MOB3A: variants seen among roughly 807,000 people sequenced by gnomAD.
The protein encoded by MOB3A is MOB kinase activator 3A.
In MOB3A, 17 loss-of-function variants were observed where a neutral mutation model predicts 17.8. That is an observed-to-expected ratio of 0.95 (90% confidence interval 0.65 to 1.43). The LOEUF (loss-of-function observed/expected upper bound fraction) is 1.43, where lower values mean the gene tolerates loss of function less well. Among genes scored for constraint, MOB3A ranks in the 40% most tolerant of loss-of-function variants. MOB3A has a pLI of 0.00. For synonymous variants in MOB3A, 124 were observed against 133.2 expected, an observed-to-expected ratio of 0.93 and a Z score of 0.48; for missense variants, 333 against 310.8, an observed-to-expected ratio of 1.07 and a Z score of -0.54.
intron 4 of MOB3A, among the ~76,000 whole-genome samples, chr19:2,076,556 G>C (rs546584581): frequency 6.6e-6 from 1 of 152,344 alleles, no homozygotes; most frequent in East Asian, 1.9e-4. Context: ...GGTGAAGGCG[G>C]AGTGAGCTGG....
intron 4 of MOB3A, 59 bp downstream of exon 4, chr19:2,076,752 T>G (rs1433651562): frequency 6.4e-7 from 1 of 1,567,744 alleles, no homozygotes; most frequent in African/African-American, 1.4e-5. Context: ...GAAGGGTTCC[T>G]CTGCCACGGG....
chr19:2,077,258 C>T lies in MOB3A; in HGVS notation c.422-245G>A, dbSNP rs139927059. On this transcript the variant is annotated intron_variant, in intron 3 of 4. Transcript: ENST00000357066. Reference sequence around the variant, plus strand: ...TTTACTAAAAAATACAAATATTAGCCGGGTGTGGTGGCTCATGCCTGTAAT... The same window carrying T: ...TTTACTAAAAAATACAAATATTAGCTGGGTGTGGTGGCTCATGCCTGTAAT... Among the ~76,000 whole-genome samples, 728 of 152,026 alleles carry T rather than the reference C, an allele frequency of 4.8e-3. 6 individuals are homozygous for T. The highest frequency in any genetic ancestry group is 7.9e-3 in the Admixed American group (121 of 15,268).
chr19:2,096,032 C>A (rs1261920480), intron 1 of MOB3A, among the ~76,000 whole-genome samples, 194 bp downstream of exon 1: 1 of 152,094 alleles, frequency 6.6e-6, no homozygotes, highest in Non-Finnish European at 1.5e-5. Flanking sequence ...GCGTGAGCCA[C>A]CGCGCCCGGC....
chr19:2,091,485 G>T (rs772163311), intron 1 of MOB3A, among the ~76,000 whole-genome samples: 99 of 151,930 alleles, frequency 6.5e-4, no homozygotes, highest in Non-Finnish European at 1.3e-3. Flanking sequence ...CCGGGCTCAA[G>T]CAATTCTCCT....
intron 4 of MOB3A, among the ~76,000 whole-genome samples, chr19:2,075,877 C>G (rs1032550564): frequency 2.6e-5 from 4 of 152,096 alleles, no homozygotes; most frequent in African/African-American, 7.2e-5. Context: ...CATTCCAGCA[C>G]TTTGGGAGGC....
intron 4 of MOB3A, among the ~76,000 whole-genome samples, chr19:2,075,499 G>A (rs2017393306): frequency 6.6e-6 from 1 of 152,104 alleles, no homozygotes; most frequent in Non-Finnish European, 1.5e-5. Context: ...CGGGCGTGCT[G>A]GCTGTGGTCC....
At chr19:2,086,646 G>C (rs1346086152) in intron 1 of MOB3A, among the ~76,000 whole-genome samples, 1 of 151,804 alleles carries the variant, frequency 6.6e-6, no homozygotes, top group Non-Finnish European at 1.5e-5. Flanking sequence ...GCGTGAGCCA[G>C]CATGCCTGGC....
chr19:2,080,400 C>G (rs1360162197), intron 2 of MOB3A, among the ~76,000 whole-genome samples: 1 of 151,106 alleles, frequency 6.6e-6, no homozygotes, highest in Non-Finnish European at 1.5e-5. Flanking sequence ...TTTTTTGAGG[C>G]AGAGTCTCGC....
In MOB3A at chr19:2,073,099, CT is replaced by C. The variant is rs2017359396; in HGVS notation, c.*295del. On this transcript the variant is annotated 3_prime_UTR_variant, in exon 5 of 5. Transcript: ENST00000357066. ...GGAGTGACCCTGGAAGCCATCCAGC[CT>C]CCTGGAAAGTGGAAGTGGTTTAAAA... 5.9e-6 allele frequency: 3 copies of C among 507,302 alleles called. No individual in the cohort carries two copies. In the Admixed American group the frequency reaches 1.1e-4, roughly 18 times the overall value. 31.4% of individuals were successfully genotyped at this position (507,302 alleles called of 1,614,324 possible).
At chr19:2,081,405 T>G (rs2017486877) in intron 2 of MOB3A, among the ~76,000 whole-genome samples, 2 of 150,080 alleles carry the variant, frequency 1.3e-5, no homozygotes, top group Admixed American at 1.3e-4. Context: ...CTGGCCAACA[T>G]GGTGAAACCC....
intron 1 of MOB3A, among the ~76,000 whole-genome samples, chr19:2,087,862 A>C (rs1165438739): frequency 6.6e-6 from 1 of 152,188 alleles, no homozygotes; most frequent in Non-Finnish European, 1.5e-5. Context: ...TTCCTAACCC[A>C]GGGCCGCAGG....
chr19:2,083,485 C>A (rs925801520), intron 2 of MOB3A, among the ~76,000 whole-genome samples: 3 of 152,250 alleles, frequency 2.0e-5, no homozygotes, highest in African/African-American at 7.2e-5. Flanking sequence ...CATGGTCCGC[C>A]TGGCACTGAG....
rs2017343585 is a variant in MOB3A, at chr19:2,071,987, G to C, written c.*1408C>G. On this transcript the variant is annotated 3_prime_UTR_variant, in exon 5 of 5. Transcript: ENST00000357066. ...AAGGTCAGGAGATCAAGACCATCCTGGCTAACACGGTGAAACCCTGTCTCT... is the reference window on the plus strand; with the variant it reads ...AAGGTCAGGAGATCAAGACCATCCTCGCTAACACGGTGAAACCCTGTCTCT... The C allele has an allele frequency of 6.6e-6, 1 of 152,120 alleles. No homozygotes were observed. Among genetic ancestry groups the C allele is most frequent in the Non-Finnish European group, 1.5e-5 (1 of 68,086 alleles). The allele number at this position is 152,120 out of a possible 1,614,324, so 9.4% of individuals were successfully genotyped here. A position where few individuals can be genotyped will look rare whatever the true frequency, so the allele number is the denominator to read the frequency against.
At chr19:2,094,149 C>T (rs2144943523) in intron 1 of MOB3A, among the ~76,000 whole-genome samples, 1 of 150,556 alleles carries the variant, frequency 6.6e-6, no homozygotes, top group East Asian at 2.0e-4. Context: ...AGGGTTCATG[C>T]CATTCTCTTG....
chr19:2,075,176 G>C (rs900618125), intron 4 of MOB3A, among the ~76,000 whole-genome samples: 1 of 151,940 alleles, frequency 6.6e-6, no homozygotes, highest in Non-Finnish European at 1.5e-5. Flanking sequence ...CCACAGGCAC[G>C]CACCACTGTG....
chr19:2,088,149 GCA>G (rs1234324839), intron 1 of MOB3A, among the ~76,000 whole-genome samples: 1 of 152,202 alleles, frequency 6.6e-6, no homozygotes, highest in African/African-American at 2.4e-5. Context: ...GATGCTCCTG[GCA>G]CAGAGTGGGT....
intron 1 of MOB3A, among the ~76,000 whole-genome samples, chr19:2,091,233 C>T (rs2017610281): frequency 6.6e-6 from 1 of 152,260 alleles, no homozygotes; most frequent in African/African-American, 2.4e-5. Context: ...GCCAAAACCT[C>T]TCAACCCAGA....
intron 2 of MOB3A, among the ~76,000 whole-genome samples, chr19:2,079,285 G>A (rs926896144): frequency 6.6e-6 from 1 of 152,264 alleles, no homozygotes; most frequent in Non-Finnish European, 1.5e-5. Context: ...TGAGTGTGGG[G>A]CAGGCTGAGA....
chr19:2,075,860 T>C (rs981480407), intron 4 of MOB3A, among the ~76,000 whole-genome samples: 5 of 151,938 alleles, frequency 3.3e-5, no homozygotes, highest in Admixed American at 2.6e-4. Flanking sequence ...CGGTGGCTCC[T>C]GTCTGTCATT....
Sources: gnomAD v4.1 joint callset for allele counts (sites outside exome capture counted in the v4.1 genomes callset) on GRCh38, gnomAD v4.1.1 for gene constraint, MANE v1.5 for transcripts, NCBI Gene and HGNC (gene_info 2026-07-23, HGNC 2026-07-21) for gene names.